The following CFAP77 variants were observed in gnomAD, a reference collection of about 807,000 sequenced individuals.
CFAP77 encodes cilia and flagella associated protein 77.
A neutral mutation model predicts 31.1 loss-of-function variants in CFAP77; 25 were observed. The observed-to-expected ratio is 0.80, with a 90% confidence interval of 0.59 to 1.12. CFAP77 has a LOEUF of 1.12. Ranked by LOEUF, CFAP77 falls within the 50% of genes most tolerant of loss-of-function variation. The pLI, the probability that CFAP77 is intolerant of heterozygous loss-of-function variation, is 0.00. For synonymous variants in CFAP77, 151 were observed against 159.9 expected, an observed-to-expected ratio of 0.94 and a Z score of 0.42; for missense variants, 377 against 397.3, an observed-to-expected ratio of 0.95 and a Z score of 0.44.
intron 1 of CFAP77, among the ~76,000 whole-genome samples, chr9:132,456,754 ATTTTTTTTTTTTT>A (rs879727962): frequency 6.8e-6 from 1 of 146,452 alleles, no homozygotes; most frequent in Non-Finnish European, 1.5e-5. Flanking sequence ...TTTAAAAAAA[ATTTTTTTTTTTTT>A]TGAGACACGG....
chr9:132,465,197 A>G (rs1268976455), intron 1 of CFAP77, among the ~76,000 whole-genome samples: 1 of 152,050 alleles, frequency 6.6e-6, no homozygotes, highest in East Asian at 1.9e-4. Flanking sequence ...GTCTCTTAAA[A>G]GTCGAATTCA....
intron 3 of CFAP77, among the ~76,000 whole-genome samples, chr9:132,510,466 C>A (rs981364759): frequency 2.0e-5 from 3 of 152,182 alleles, no homozygotes; most frequent in Non-Finnish European, 4.4e-5. Context: ...TTCCGGGACA[C>A]GGAGGAGATG....
intron 3 of CFAP77, among the ~76,000 whole-genome samples, chr9:132,504,209 C>T (rs749000429): frequency 6.6e-6 from 1 of 152,208 alleles, no homozygotes; most frequent in Non-Finnish European, 1.5e-5. Context: ...AGTTGTCAGG[C>T]TCCCCATCCA....
In CFAP77 at chr9:132,499,397, G is replaced by A; in HGVS notation, c.321G>A (p.Lys107=). The A allele has an allele frequency of 1.2e-6, 2 of 1,614,210 alleles. No homozygotes were observed. Among genetic ancestry groups the A allele is most frequent in the Middle Eastern group, 3.3e-4 (2 of 6,060 alleles). The part of the protein sequence containing the change: ...PEAIGRWNVF[K]QQPTCPHELT... ...CCATCGGACGCTGGAACGTGTTCAA[G>A]CAGCAGCCCACCTGCCCCCACGAGC... Residue 107 remains lysine (K), a synonymous_variant, in exon 3 of 6, where the codon AAG becomes AAA. Coordinates refer to ENST00000393216, the MANE Select transcript of CFAP77 (RefSeq NM_001282957.2). The surrounding 1 kb of genome is among the most constrained non-coding windows in gnomAD (Gnocchi z 5.4).
At chr9:132,508,032 G>A (rs73659067) in intron 3 of CFAP77, among the ~76,000 whole-genome samples, 1,642 of 152,290 alleles carry the variant, frequency 0.011, 29 homozygotes, top group African/African-American at 0.037. Context: ...TTCATCCATC[G>A]CTGCATCTTC....
rs1851636763 is a variant in CFAP77 at position 132,490,567 on chromosome 9, G to A, written c.196-8128G>A. 6.6e-6 allele frequency among the ~76,000 whole-genome samples: 1 copy of A among 152,138 alleles called. No individual in the cohort carries two copies. The highest frequency in any genetic ancestry group is 1.5e-5 in the Non-Finnish European group (1 of 68,008). On this transcript the variant is annotated intron_variant, in intron 1 of 5. Coordinates refer to ENST00000393216, the MANE Select transcript of CFAP77 (RefSeq NM_001282957.2). This position sits in a 1 kb window ranked among gnomAD's most constrained non-coding sequence, Gnocchi z 4.6. ...CCCCACTGGACAAGCTGGGGAGGGA[G>A]GCCAAGGGTCAGCGCTGGGCACTCC... is the stretch of plus-strand genomic sequence containing the variant.
At chr9:132,422,731 G>A (rs1186973962) in intron 1 of CFAP77, among the ~76,000 whole-genome samples, 1 of 152,162 alleles carries the variant, frequency 6.6e-6, no homozygotes, top group Non-Finnish European at 1.5e-5. Flanking sequence ...TACACAAAGG[G>A]CTGAGAGACA....
At position 132,497,178 on chromosome 9, in the gene CFAP77, A is replaced by C. The variant is rs1851758217; in HGVS notation, c.196-1517A>C. ...GGGGGAGCCTGGGAGGCAAAGCTGC[A>C]GGGCTGGGTGGGGTTGGAGGGTGCA... On this transcript the variant is annotated intron_variant, in intron 1 of 5. Transcript: ENST00000393216. The surrounding 1 kb of genome is among the most constrained non-coding windows in gnomAD (Gnocchi z 4.9). 6.7e-6 allele frequency among the ~76,000 whole-genome samples: 1 copy of C among 150,232 alleles called. No homozygotes were observed. Among genetic ancestry groups the C allele is most frequent in the Admixed American group, 6.6e-5 (1 of 15,166 alleles).
chr9:132,570,743 T>C (rs1829947431), intron 5 of CFAP77, among the ~76,000 whole-genome samples: 1 of 152,156 alleles, frequency 6.6e-6, no homozygotes, highest in South Asian at 2.1e-4. Flanking sequence ...CTAACAACGC[T>C]CCACAGCCCC....
intron 5 of CFAP77, among the ~76,000 whole-genome samples, chr9:132,549,181 G>C (rs972073473): frequency 2.6e-5 from 4 of 152,158 alleles, no homozygotes; most frequent in African/African-American, 4.8e-5. Flanking sequence ...CTTCTAGCCT[G>C]TCCACCCTGC....
chr9:132,533,522 T>TC (rs1199597429), intron 3 of CFAP77, among the ~76,000 whole-genome samples: 1 of 152,210 alleles, frequency 6.6e-6, no homozygotes, highest in African/African-American at 2.4e-5. Context: ...TTTCTTGGTT[T>TC]GGGGTTACAG....
Position 132,410,432 on chromosome 9 carries a change from G to C in CFAP77, c.161G>C (p.Arg54Pro), listed in dbSNP as rs1459233356. ...GMENERLGVV[R>P]DSMFQNPLIV... The stretch of plus-strand genomic sequence containing the variant: ...GAGAACGAGCGGCTGGGGGTCGTGC[G>C]GGACTCCATGTTTCAGAACCCTCTC... The change falls in exon 1 of 6, where the codon CGG becomes CCG. Residue 54 changes from arginine (R) to proline (P), a missense_variant. Coordinates refer to ENST00000393216, the MANE Select transcript of CFAP77 (RefSeq NM_001282957.2). The C allele has an allele frequency of 6.3e-7, 1 of 1,596,512 alleles. No individual in the cohort carries two copies. The highest frequency in any genetic ancestry group is 2.4e-5 in the East Asian group (1 of 42,268).
intron 3 of CFAP77, among the ~76,000 whole-genome samples, chr9:132,514,015 G>A (rs1198721667): frequency 1.6e-5 from 2 of 125,146 alleles, no homozygotes; most frequent in East Asian, 2.7e-4. Flanking sequence ...CCCTTCCCCT[G>A]TGTCACTGAA....
chr9:132,513,378 A>G lies in CFAP77; in HGVS notation c.524+13778A>G, dbSNP rs746375544. The G allele has an allele frequency of 3.7e-5, 57 of 1,526,116 alleles. No individual in the cohort carries two copies. In the African/African-American group the frequency reaches 7.7e-4, roughly 21 times the overall value. 94.5% of individuals were successfully genotyped at this position (1,526,116 alleles called of 1,614,324 possible). A position where few individuals can be genotyped will look rare whatever the true frequency, so the allele number is the denominator to read the frequency against. On this transcript the variant is annotated intron_variant, in intron 3 of 5. Transcript: ENST00000393216. ...TTCGCTTCTGATCCTTTCCTTTAATATTGAAGAAATAAAACGTGTCAAACA... is the reference window on the plus strand; with the variant it reads ...TTCGCTTCTGATCCTTTCCTTTAATGTTGAAGAAATAAAACGTGTCAAACA...
chr9:132,482,787 C>T (rs1851470573), intron 1 of CFAP77, among the ~76,000 whole-genome samples: 1 of 108,830 alleles, frequency 9.2e-6, no homozygotes, highest in Non-Finnish European at 1.7e-5. Context: ...GAACATCACA[C>T]TCTGGGGACT....
intron 1 of CFAP77, among the ~76,000 whole-genome samples, chr9:132,456,905 C>T (rs910467992): frequency 2.0e-5 from 3 of 152,060 alleles, no homozygotes; most frequent in Non-Finnish European, 4.4e-5. Context: ...TGTGCACCAC[C>T]GTGTCTGACT....
chr9:132,515,084 C>G (rs1481483295), intron 3 of CFAP77, among the ~76,000 whole-genome samples: 1 of 152,102 alleles, frequency 6.6e-6, no homozygotes, highest in Admixed American at 6.6e-5. Flanking sequence ...ACACGTGTGC[C>G]AGAACCACTT....
intron 3 of CFAP77, among the ~76,000 whole-genome samples, chr9:132,533,408 C>G (rs1852491685): frequency 6.6e-6 from 1 of 151,646 alleles, no homozygotes; most frequent in African/African-American, 2.4e-5. Context: ...TCTCACAATT[C>G]TGGAGGCCAG....
At chr9:132,506,128 C>A (rs1206151222) in intron 3 of CFAP77, among the ~76,000 whole-genome samples, 1 of 152,222 alleles carries the variant, frequency 6.6e-6, no homozygotes, top group Non-Finnish European at 1.5e-5. Context: ...GAAGACCACA[C>A]CTCTAGGATC....
Sources: gnomAD v4.1 joint callset for allele counts (sites outside exome capture counted in the v4.1 genomes callset) on GRCh38, gnomAD v4.1.1 for gene constraint, Gnocchi (gnomAD v3.1) non-coding constraint, MANE v1.5 for transcripts, NCBI Gene and HGNC (gene_info 2026-07-23, HGNC 2026-07-21) for gene names.